Variants in GREM2 observed in about 807,000 individuals in gnomAD.
GREM2 encodes the protein gremlin-2.
A neutral mutation model predicts 14.2 loss-of-function variants in GREM2; 11 were observed. That is an observed-to-expected ratio of 0.78 (90% confidence interval 0.49 to 1.28). The LOEUF is 1.28. Ranked by LOEUF, GREM2 falls within the 50% of genes most tolerant of loss-of-function variation. The probability of loss-of-function intolerance (pLI) is 0.00; values close to 1 mark genes in which losing one functional copy is unlikely to be tolerated. For synonymous variants in GREM2, 98 were observed against 97.6 expected (o/e 1.00, Z -0.02); for missense variants, 210 against 218.5 (o/e 0.96, Z 0.24).
intron 1 of GREM2, among the ~76,000 whole-genome samples, chr1:240,502,410 C>T (rs147194724): frequency 0.01 from 1,565 of 152,224 alleles, 17 homozygotes; most frequent in South Asian, 0.037. Flanking sequence ...AGTATCTTTT[C>T]GTGATTTTTC....
intron 1 of GREM2, among the ~76,000 whole-genome samples, chr1:240,499,213 CAA>C (rs1677509056): frequency 3.3e-5 from 5 of 152,182 alleles, no homozygotes; most frequent in Non-Finnish European, 5.9e-5. Context: ...TCCTGACAGG[CAA>C]ATGCAAGTGA....
chr1:240,612,096 C>G lies in GREM2; in HGVS notation c.-214G>C, dbSNP rs1203201206. The G allele has an allele frequency of 6.5e-6, 1 of 152,682 alleles. No individual in the cohort carries two copies. Among genetic ancestry groups the G allele is most frequent in the Non-Finnish European group, 1.5e-5 (1 of 68,128 alleles). The allele number at this position is 152,682 out of a possible 1,614,324, so 9.5% of individuals were successfully genotyped here. A position where few individuals can be genotyped will look rare whatever the true frequency, so the allele number is the denominator to read the frequency against. ...AGGAGAGGCGAGAGCGCGCCCCGCG[C>G]CGCGCGGTCCCAGGCTGGCTGCTCC... On this transcript the variant is annotated 5_prime_UTR_variant, in exon 1 of 2. Coordinates refer to ENST00000318160, the MANE Select transcript of GREM2 (RefSeq NM_022469.4).
intron 1 of GREM2, chr1:240,531,827 G>A (rs961108293): frequency 3.6e-6 from 1 of 279,626 alleles, no homozygotes; most frequent in African/African-American, 2.3e-5. Flanking sequence ...TCCTGCCTCA[G>A]CCTCCTGAGT....
chr1:240,529,156 GCT>G (rs1678293695), intron 1 of GREM2, among the ~76,000 whole-genome samples: 1 of 151,512 alleles, frequency 6.6e-6, no homozygotes, highest in South Asian at 2.1e-4. Context: ...ACATGGATGA[GCT>G]CTCAGGAAGT....
chr1:240,550,807 C>T (rs150962077), intron 1 of GREM2, among the ~76,000 whole-genome samples: 20 of 152,248 alleles, frequency 1.3e-4, no homozygotes, highest in South Asian at 6.2e-4. Context: ...ATTGCTATTA[C>T]GAATGATCAA....
chr1:240,569,343 A>C (rs1679219490), intron 1 of GREM2, among the ~76,000 whole-genome samples: 1 of 152,192 alleles, frequency 6.6e-6, no homozygotes, highest in African/African-American at 2.4e-5. Context: ...AGATATTTAC[A>C]AGATGATTCT....
At chr1:240,508,852 C>A (rs753893931) in intron 1 of GREM2, among the ~76,000 whole-genome samples, 3 of 152,150 alleles carry the variant, frequency 2.0e-5, no homozygotes, top group Non-Finnish European at 2.9e-5. Flanking sequence ...TGAGCTGGAA[C>A]CTGAGAATTG....
chr1:240,508,940 G>C (rs1677738689), intron 1 of GREM2, among the ~76,000 whole-genome samples: 1 of 152,130 alleles, frequency 6.6e-6, no homozygotes, highest in African/African-American at 2.4e-5. Context: ...TTGGGCTCTG[G>C]TCCATTGCCT....
intron 1 of GREM2, among the ~76,000 whole-genome samples, chr1:240,609,326 T>C (rs1344731550): frequency 6.6e-6 from 1 of 151,932 alleles, no homozygotes; most frequent in Non-Finnish European, 1.5e-5. Flanking sequence ...CTGGAAGTGG[T>C]GGTGATGGGA....
At position 240,494,289 on chromosome 1, in the gene GREM2, A is replaced by G. The variant is rs568107778; in HGVS notation, c.-1-813T>C. 3.9e-5 allele frequency among the ~76,000 whole-genome samples: 6 copies of G among 152,270 alleles called. No individual in the cohort carries two copies. The East Asian group carries it at 1.2e-3, about 29-fold the overall frequency. On this transcript the variant is annotated intron_variant, in intron 1 of 1. Coordinates refer to ENST00000318160, the MANE Select transcript of GREM2 (RefSeq NM_022469.4). ...GGAAACTGAGGCTGGGGCCCACAGA[A>G]GTTGAGTCATTTACCTGAGGTCACA...
chr1:240,523,430 C>T (rs1238265414), intron 1 of GREM2, among the ~76,000 whole-genome samples: 1 of 152,174 alleles, frequency 6.6e-6, no homozygotes, highest in Non-Finnish European at 1.5e-5. Context: ...GTTTCTCCCT[C>T]CCTCTCCAGA....
intron 1 of GREM2, among the ~76,000 whole-genome samples, chr1:240,528,967 G>C (rs1356677802): frequency 6.6e-6 from 1 of 152,114 alleles, no homozygotes; most frequent in African/African-American, 2.4e-5. Context: ...ATGAGTCCCT[G>C]TGTTCAGCAG....
At chr1:240,582,853 C>A (rs564296648) in intron 1 of GREM2, among the ~76,000 whole-genome samples, 1 of 151,114 alleles carries the variant, frequency 6.6e-6, no homozygotes, top group Non-Finnish European at 1.5e-5. Context: ...ATCCAAGGAA[C>A]AAAATTTTTT....
intron 1 of GREM2, among the ~76,000 whole-genome samples, chr1:240,596,602 C>G (rs1176964555): frequency 6.6e-6 from 1 of 151,832 alleles, no homozygotes; most frequent in Non-Finnish European, 1.5e-5. Flanking sequence ...GAGGCTGAGG[C>G]AGGAGAATTG....
At chr1:240,524,528 GGACAACT>G (rs1678179947) in intron 1 of GREM2, among the ~76,000 whole-genome samples, 1 of 152,176 alleles carries the variant, frequency 6.6e-6, no homozygotes, top group African/African-American at 2.4e-5. Flanking sequence ...AATGGTGTTG[GGACAACT>G]GACAAGTAAT....
At chr1:240,497,494 A>G (rs1455795321) in intron 1 of GREM2, among the ~76,000 whole-genome samples, 1 of 152,100 alleles carries the variant, frequency 6.6e-6, no homozygotes, top group Non-Finnish European at 1.5e-5. Flanking sequence ...AAGGAGCAGG[A>G]GGAGCTTAGG....
intron 1 of GREM2, among the ~76,000 whole-genome samples, chr1:240,510,502 G>C (rs550900417): frequency 3.2e-4 from 48 of 151,786 alleles, no homozygotes; most frequent in African/African-American, 1.0e-3. Context: ...TAATGAGTAC[G>C]GGGTTTCTTG....
chr1:240,530,826 G>T lies in GREM2; in HGVS notation c.-1-37350C>A, dbSNP rs551237249. The T allele has an allele frequency of 5.3e-5, 8 of 152,314 alleles. No individual in the cohort carries two copies. In the South Asian group the frequency reaches 6.2e-4, roughly 12 times the overall value. The allele number at this position is 152,314 out of a possible 1,614,324, so 9.4% of individuals were successfully genotyped here. A position where few individuals can be genotyped will look rare whatever the true frequency, so the allele number is the denominator to read the frequency against. ...CTTGAATCTAAAGGACAAAAATAGG[G>T]CCTCACAGTTTGAGAGAATCATTCA... On this transcript the variant is annotated intron_variant, in intron 1 of 1. Transcript: ENST00000318160.
chr1:240,509,788 A>C (rs1205490339), intron 1 of GREM2, among the ~76,000 whole-genome samples: 7 of 152,182 alleles, frequency 4.6e-5, no homozygotes, highest in Non-Finnish European at 1.0e-4. Context: ...ATCTGTAGGC[A>C]GGCATCTGTT....
Sources: gnomAD v4.1 joint callset for allele counts (sites outside exome capture counted in the v4.1 genomes callset) on GRCh38, gnomAD v4.1.1 for gene constraint, MANE v1.5 for transcripts, NCBI Gene and HGNC (gene_info 2026-07-23, HGNC 2026-07-21) for gene names.